Variants in CEP128 observed in about 807,000 individuals in gnomAD.
CEP128 encodes centrosomal protein 128, also known as centrosomal protein 128kDa.
CEP128 carries 132 observed loss-of-function variants against 156.7 expected under a neutral mutation model. That is an observed-to-expected ratio of 0.84 (90% confidence interval 0.73 to 0.97). The LOEUF is 0.97. CEP128 is among the 50% of genes least tolerant of loss of function. CEP128 has a pLI of 0.00. For synonymous variants in CEP128, 469 were observed against 448.9 expected (o/e 1.04, Z -0.57); for missense variants, 1,252 against 1,281.9 (o/e 0.98, Z 0.36).
At chr14:80,731,698 A>G (rs546291756) in intron 19 of CEP128, among the ~76,000 whole-genome samples, 51 of 152,332 alleles carry the variant, frequency 3.3e-4, no homozygotes, top group African/African-American at 1.2e-3. Context: ...ATGCACATCA[A>G]AATCTCGGTA....
chr14:80,492,884 T>G (rs1409333940), downstream of CEP128, among the ~76,000 whole-genome samples: 2 of 152,186 alleles, frequency 1.3e-5, no homozygotes, highest in African/African-American at 4.8e-5. Context: ...ACATTTATCC[T>G]ACTTTCCCTC....
intron 17 of CEP128, among the ~76,000 whole-genome samples, chr14:80,758,996 GAATA>G (rs1211852886): frequency 6.6e-6 from 1 of 152,144 alleles, no homozygotes; most frequent in Non-Finnish European, 1.5e-5. Context: ...AAAACTGAAT[GAATA>G]CTCAGACCAA....
chr14:80,920,189 C>T (rs1884779010), intron 2 of CEP128, among the ~76,000 whole-genome samples: 1 of 152,190 alleles, frequency 6.6e-6, no homozygotes, highest in Non-Finnish European at 1.5e-5. Context: ...GAGCACCTAA[C>T]TAACCCTTTG....
intron 19 of CEP128, among the ~76,000 whole-genome samples, chr14:80,588,187 T>A (rs1048713099): frequency 6.6e-6 from 1 of 152,124 alleles, no homozygotes; most frequent in African/African-American, 2.4e-5. Context: ...TTTCTGCAAT[T>A]CTTACATTCT....
chr14:80,712,587 T>C (rs10151668), intron 19 of CEP128, among the ~76,000 whole-genome samples: 1 of 152,016 alleles, frequency 6.6e-6, no homozygotes, highest in South Asian at 2.1e-4. Flanking sequence ...ACCCAGAGCA[T>C]GGTTTAGAAA....
intron 21 of CEP128, among the ~76,000 whole-genome samples, chr14:80,533,501 C>T (rs1467406017): frequency 1.3e-5 from 2 of 152,110 alleles, no homozygotes; most frequent in African/African-American, 4.8e-5. Flanking sequence ...AACCAGGCGA[C>T]TACATGAAAC....
intron 19 of CEP128, among the ~76,000 whole-genome samples, chr14:80,675,090 CCA>C (rs1199908065): frequency 6.6e-6 from 1 of 152,040 alleles, no homozygotes; most frequent in Non-Finnish European, 1.5e-5. Context: ...TCTCCTATTC[CCA>C]CACATGAACC....
At chr14:80,597,419 G>A (rs1259605009) in intron 19 of CEP128, among the ~76,000 whole-genome samples, 1 of 152,040 alleles carries the variant, frequency 6.6e-6, no homozygotes, top group African/African-American at 2.4e-5. Context: ...CAGAACAATA[G>A]ATGTGTAATT....
chr14:80,502,616 C>T (rs571671063), intron 24 of CEP128, among the ~76,000 whole-genome samples: 49 of 152,190 alleles, frequency 3.2e-4, no homozygotes, highest in African/African-American at 1.2e-3. Flanking sequence ...AATTCTGACA[C>T]CGCTTAGTCT....
At chr14:80,946,979 T>G (rs1178996036) in intron 2 of CEP128, among the ~76,000 whole-genome samples, 1 of 152,148 alleles carries the variant, frequency 6.6e-6, no homozygotes, top group Non-Finnish European at 1.5e-5. Flanking sequence ...CCCCCTTCAC[T>G]CTCCCTTTCT....
chr14:80,812,221 C>T (rs1884596443), intron 13 of CEP128, among the ~76,000 whole-genome samples: 1 of 152,170 alleles, frequency 6.6e-6, no homozygotes, highest in Admixed American at 6.5e-5. Flanking sequence ...TATGTTGCTG[C>T]AAAGGACATG....
At chr14:80,956,479 T>A (rs1886694699) in intron 2 of CEP128, among the ~76,000 whole-genome samples, 1 of 152,254 alleles carries the variant, frequency 6.6e-6, no homozygotes, top group African/African-American at 2.4e-5. Flanking sequence ...AGTACATTTA[T>A]CTGCATGTTA....
rs1253155666 is a variant in CEP128 at position 80,728,081 on chromosome 14, GT to G, written c.2806+14993del. On this transcript the variant is annotated intron_variant, in intron 19 of 24. Transcript: ENST00000555265. ...GTTCACTGCAGCACTATTTACAATAGTAGACATGGAATCAACCTAGATACAC... is the reference window on the plus strand; with the variant it reads ...GTTCACTGCAGCACTATTTACAATAGAGACATGGAATCAACCTAGATACAC... Among the ~76,000 whole-genome samples the G allele has an allele frequency of 2.6e-5, 4 of 152,130 alleles. No homozygotes were observed. In the East Asian group the frequency reaches 7.7e-4, roughly 29 times the overall value.
intron 19 of CEP128, among the ~76,000 whole-genome samples, chr14:80,673,067 A>G (rs1336591384): frequency 6.6e-6 from 1 of 152,222 alleles, no homozygotes; most frequent in Non-Finnish European, 1.5e-5. Context: ...AGTAAGACCT[A>G]TATAACAGTA....
chr14:80,515,576 T>A (rs1888449900), intron 23 of CEP128, among the ~76,000 whole-genome samples: 1 of 152,136 alleles, frequency 6.6e-6, no homozygotes, highest in Admixed American at 6.5e-5. Flanking sequence ...CAGGTTGCGG[T>A]GAATGCTGCC....
At chr14:80,479,504 A>T (rs1887009733) in intron 14 of CEP128, among the ~76,000 whole-genome samples, 2 of 152,154 alleles carry the variant, frequency 1.3e-5, no homozygotes, top group South Asian at 4.1e-4. Flanking sequence ...AACCCATTCC[A>T]ATCTCATGAG....
At chr14:80,508,743 T>G (rs1187573560) in intron 23 of CEP128, among the ~76,000 whole-genome samples, 2 of 152,200 alleles carry the variant, frequency 1.3e-5, no homozygotes, top group Non-Finnish European at 2.9e-5. Flanking sequence ...TAACATTTAC[T>G]AAACATATGT....
chr14:80,892,357 A>C (rs1351288399), intron 8 of CEP128, among the ~76,000 whole-genome samples: 1 of 151,980 alleles, frequency 6.6e-6, no homozygotes, highest in Non-Finnish European at 1.5e-5. Flanking sequence ...GGAATTTCAC[A>C]CACAAAAGAA....
downstream of CEP128, among the ~76,000 whole-genome samples, chr14:80,489,137 T>TA (rs200250048): frequency 2.7e-4 from 38 of 143,242 alleles, no homozygotes; most frequent in African/African-American, 8.2e-4. Context: ...AGTATAATAA[T>TA]AAAAAAAAAG....
Sources: gnomAD v4.1 joint callset for allele counts (sites outside exome capture counted in the v4.1 genomes callset) on GRCh38, gnomAD v4.1.1 for gene constraint, MANE v1.5 for transcripts, NCBI Gene and HGNC (gene_info 2026-07-23, HGNC 2026-07-21) for gene names.